Variants in TMEM175 observed in about 807,000 individuals in gnomAD.
The protein encoded by TMEM175 is transmembrane protein 175, also known as endosomal/lysosomal proton channel TMEM175.
TMEM175 carries 36 observed loss-of-function variants against 36.5 expected under a neutral mutation model. That is an observed-to-expected ratio of 0.99 (90% CI 0.76 to 1.30). The LOEUF (loss-of-function observed/expected upper bound fraction) is 1.30, where lower values mean the gene tolerates loss of function less well. Among genes scored for constraint, TMEM175 ranks in the 50% most tolerant of loss-of-function variants. The pLI is 0.00. For synonymous variants in TMEM175, 339 were observed against 313.4 expected (o/e 1.08, Z -0.86); for missense variants, 705 against 692.8 (o/e 1.02, Z -0.20).
chr4:952,509 TGTGTGTG>T, intron 7 of TMEM175, 59 bp downstream of exon 7: 1 of 1,346,118 alleles, frequency 7.4e-7, no homozygotes, highest in East Asian at 2.5e-5. Context: ...TGTGTGTGTG[TGTGTGTG>T]TGATCACCAT....
In TMEM175 at chr4:955,422, G is replaced by C; in HGVS notation, c.645G>C (p.Val215=). 1 of 1,614,122 alleles carries C rather than the reference G, an allele frequency of 6.2e-7. No homozygotes were observed. Among genetic ancestry groups the C allele is most frequent in the Non-Finnish European group, 8.5e-7 (1 of 1,180,008 alleles). ...FFVPLSYLLM[V]TVILLPYVSK... The stretch of plus-strand genomic sequence containing the variant: ...CCCTGCAGTCTTACCTGCTGATGGT[G>C]ACTGTCATCCTCCTCCCCTATGTCA... The change falls in exon 9 of 11, where the codon GTG becomes GTC. Residue 215 remains valine (V), a synonymous_variant. Coordinates refer to ENST00000264771, the MANE Select transcript of TMEM175 (RefSeq NM_032326.4).
intron 10 of TMEM175, 46 bp from the exon 11 acceptor site, chr4:957,778 T>C (rs369869015): frequency 3.6e-5 from 56 of 1,549,386 alleles, no homozygotes; most frequent in Middle Eastern, 1.7e-4. Context: ...GGGGCCTGTG[T>C]GGCCACGGCA....
In TMEM175 at chr4:951,073, G is replaced by C. The variant is rs185038212; in HGVS notation, c.291-134G>C. ...CGTGTTTTCCAAACTCCGTGCACTA[G>C]GTAGTAGTTTATATTTGGTTAACAG... On this transcript the variant is annotated intron_variant, in intron 4 of 10. Coordinates refer to ENST00000264771, the MANE Select transcript of TMEM175 (RefSeq NM_032326.4). The C allele has an allele frequency of 2.5e-5, 22 of 889,958 alleles. No homozygotes were observed. The East Asian group carries it at 5.3e-4, about 21-fold the overall frequency. 55.1% of individuals were successfully genotyped at this position (889,958 alleles called of 1,614,324 possible).
At chr4:949,673 T>C (rs1158934184) in intron 3 of TMEM175, among the ~76,000 whole-genome samples, 1 of 146,760 alleles carries the variant, frequency 6.8e-6, no homozygotes, top group Non-Finnish European at 1.5e-5. Context: ...CAGTGTTCTG[T>C]TGGGAGCGTT....
intron 10 of TMEM175, among the ~76,000 whole-genome samples, chr4:957,179 C>T (rs1475376141): frequency 6.6e-6 from 1 of 152,138 alleles, no homozygotes; most frequent in African/African-American, 2.4e-5. Flanking sequence ...CCACCCCTCA[C>T]CCCTCGCCCT....
chr4:939,454 G>A (rs934836222), intron 1 of TMEM175, among the ~76,000 whole-genome samples: 3 of 151,586 alleles, frequency 2.0e-5, no homozygotes, highest in Admixed American at 6.6e-5. Context: ...AATGGCTCAC[G>A]CCTGTAATCC....
intron 8 of TMEM175, among the ~76,000 whole-genome samples, chr4:955,123 G>A (rs549409863): frequency 1.3e-5 from 2 of 152,098 alleles, no homozygotes; most frequent in East Asian, 1.9e-4. Flanking sequence ...TTTATTTTTC[G>A]TAGAGATACA....
chr4:955,509 C>T, intron 9 of TMEM175, 26 bp downstream of exon 9: 1 of 1,605,770 alleles, frequency 6.2e-7, no homozygotes, highest in Non-Finnish European at 8.5e-7. Flanking sequence ...GTGGGCTGGC[C>T]TGAGAGGCCT....
intron 1 of TMEM175, among the ~76,000 whole-genome samples, chr4:944,305 C>A (rs1727868495): frequency 6.6e-6 from 1 of 152,100 alleles, no homozygotes; most frequent in Admixed American, 6.6e-5. Context: ...AAATAATTAA[C>A]TAAATAAACG....
chr4:943,952 A>T (rs1727823486), intron 1 of TMEM175, among the ~76,000 whole-genome samples: 1 of 152,156 alleles, frequency 6.6e-6, no homozygotes, highest in Non-Finnish European at 1.5e-5. Flanking sequence ...AAGAAGCTAG[A>T]CTCAAAACCT....
chr4:952,337 G>A (rs1404646251), intron 6 of TMEM175, 30 bp from the exon 7 acceptor site: 7 of 1,599,998 alleles, frequency 4.4e-6, no homozygotes, highest in East Asian at 4.5e-5. Context: ...TAGGATTTGG[G>A]GGGGTTTGGT....
rs1403838882 is a variant in TMEM175 at position 958,546 on chromosome 4, G to A, written c.*50G>A. 4.2e-6 allele frequency: 6 copies of A among 1,416,022 alleles called. No homozygotes were observed. The highest frequency in any genetic ancestry group is 5.0e-5 in the East Asian group (2 of 39,694). 87.7% of individuals were successfully genotyped at this position (1,416,022 alleles called of 1,614,324 possible). ...GTCCTCACCAGAGATGGACCAGGGAGGACAGGATGCTGGGCAGGGGAAGCC... is the reference window on the plus strand; with the variant it reads ...GTCCTCACCAGAGATGGACCAGGGAAGACAGGATGCTGGGCAGGGGAAGCC... On this transcript the variant is annotated 3_prime_UTR_variant, in exon 11 of 11. Coordinates refer to ENST00000264771, the MANE Select transcript of TMEM175 (RefSeq NM_032326.4).
At position 958,323 on chromosome 4, in the gene TMEM175, T is replaced by C; in HGVS notation, c.1342T>C (p.Phe448Leu). The C allele has an allele frequency of 6.2e-7, 1 of 1,605,428 alleles. No homozygotes were observed. The highest frequency in any genetic ancestry group is 8.5e-7 in the Non-Finnish European group (1 of 1,179,836). Residue 448 changes from phenylalanine to leucine, a missense_variant, in exon 11 of 11, where the codon TTC (phenylalanine) becomes CTC (leucine). Transcript: ENST00000264771. ...GCTGAGCAGGTTCAGTGTGGGCATC[T>C]TCCACCTCATGCAGATCGCCGTGCC... ...CLLSRFSVGI[F>L]HLMQIAVPCA... is the part of the protein sequence containing the mutation.
chr4:943,502 T>C (rs1727768154), intron 1 of TMEM175, among the ~76,000 whole-genome samples: 1 of 152,214 alleles, frequency 6.6e-6, no homozygotes, highest in Non-Finnish European at 1.5e-5. Context: ...TCTGCCCGCC[T>C]CGGCCTCCCA....
intron 7 of TMEM175, 75 bp from the exon 8 acceptor site, chr4:953,115 C>A: frequency 2.0e-6 from 3 of 1,470,302 alleles, no homozygotes; most frequent in Non-Finnish European, 2.7e-6. Flanking sequence ...GTGTGCCATG[C>A]AGCCCGGGGG....
At chr4:941,376 CAAAAAA>C (rs567941043) in intron 1 of TMEM175, among the ~76,000 whole-genome samples, 2 of 104,862 alleles carry the variant, frequency 1.9e-5, no homozygotes, top group Non-Finnish European at 3.7e-5. Flanking sequence ...AACTCTGTCT[CAAAAAA>C]AAAAAAAAAA....
chr4:958,607 C>G lies in TMEM175; in HGVS notation c.*111C>G. On this transcript the variant is annotated 3_prime_UTR_variant, in exon 11 of 11. Coordinates refer to ENST00000264771, the MANE Select transcript of TMEM175 (RefSeq NM_032326.4). ...CAGGCCGCAGTGGTTCTTGCGTGGC[C>G]TGGTTTTATTTTCATTGTGAAATAT... is the stretch of plus-strand genomic sequence containing the variant. The G allele has an allele frequency of 1.2e-6, 1 of 866,894 alleles. No homozygotes were observed. Among genetic ancestry groups the G allele is most frequent in the African/African-American group, 1.7e-5 (1 of 58,380 alleles). 53.7% of individuals were successfully genotyped at this position (866,894 alleles called of 1,614,324 possible).
intron 1 of TMEM175, among the ~76,000 whole-genome samples, chr4:944,864 G>A (rs1727933078): frequency 6.6e-6 from 1 of 152,146 alleles, no homozygotes; most frequent in Admixed American, 6.5e-5. Context: ...ACTTTGGGAG[G>A]CTGAGGCAAG....
Position 958,290 on chromosome 4 carries a change from A to ACCTG in TMEM175, c.1315_1318dup (p.Leu440ProfsTer111). ...TGCCAGCCTGCTGGCCTTCGCCTCC[A>ACCTG]CCTGCCTGCTGAGCAGGTTCAGTGT... On this transcript the variant is annotated frameshift_variant, in exon 11 of 11. Coordinates refer to ENST00000264771, the MANE Select transcript of TMEM175 (RefSeq NM_032326.4). LOFTEE classifies it low-confidence loss of function (END_TRUNC). The ACCTG allele has an allele frequency of 6.2e-7, 1 of 1,606,170 alleles. No individual in the cohort carries two copies. Among genetic ancestry groups the ACCTG allele is most frequent in the Non-Finnish European group, 8.5e-7 (1 of 1,179,718 alleles).
Sources: gnomAD v4.1 joint callset for allele counts (sites outside exome capture counted in the v4.1 genomes callset) on GRCh38, gnomAD v4.1.1 for gene constraint, MANE v1.5 for transcripts, NCBI Gene and HGNC (gene_info 2026-07-23, HGNC 2026-07-21) for gene names.